Variants in TNK2 observed in about 807,000 individuals in gnomAD.
TNK2 encodes the protein tyrosine kinase non receptor 2, also known as activated CDC42 kinase 1.
Under a neutral mutation model 101.8 loss-of-function variants are expected in TNK2, and 83 were observed. The ratio of observed to expected loss-of-function variants is 0.82; its 90% CI spans 0.68 to 0.98. TNK2 has a LOEUF of 0.98. TNK2 is among the 50% of genes least tolerant of loss of function. The probability of loss-of-function intolerance (pLI) is 0.00; values close to 1 mark genes in which losing one functional copy is unlikely to be tolerated. For synonymous variants in TNK2, 804 were observed against 633.0 expected (o/e 1.27, Z -4.06); for missense variants, 1,665 against 1,483.2 (o/e 1.12, Z -2.01).
chr3:195,874,103 G>A (rs978233796), intron 9 of TNK2, among the ~76,000 whole-genome samples: 19 of 152,206 alleles, frequency 1.2e-4, no homozygotes, highest in African/African-American at 3.6e-4. Context: ...GCTGGGCTGC[G>A]GCTCTCCCGC....
At chr3:195,900,585 G>A (rs921217375) in intron 1 of TNK2, among the ~76,000 whole-genome samples, 2 of 152,202 alleles carry the variant, frequency 1.3e-5, no homozygotes, top group African/African-American at 4.8e-5. Context: ...GGGCCCTAAT[G>A]TGCTCCTGGA....
chr3:195,872,840 C>T (rs1185574114), intron 9 of TNK2: 1 of 228,184 alleles, frequency 4.4e-6, no homozygotes, highest in Non-Finnish European at 8.6e-6. Flanking sequence ...GCGCCCCGCC[C>T]ACACCTCCTC....
In TNK2 at chr3:195,868,699, A is replaced by G. The variant is rs998284861; in HGVS notation, c.1599T>C (p.Tyr533=). ...GGTCTTGGTCCTCGCTCACAGGGTC[A>G]TAGGTTGGTTCTGTGATGGAAAGGG... ...QPAFFTQKPT[Y]DPVSEDQDPL... The change falls in exon 13 of 16, where the codon TAT becomes TAC. Residue 533 remains tyrosine, a synonymous_variant. Coordinates refer to ENST00000672887, the MANE Select transcript of TNK2 (RefSeq NM_001382273.1). 9.5e-6 allele frequency: 15 copies of G among 1,576,334 alleles called. No homozygotes were observed. In the African/African-American group the frequency reaches 1.8e-4, roughly 19 times the overall value.
At chr3:195,869,254 G>A (rs1008156704) in intron 12 of TNK2, 3 of 600,576 alleles carry the variant, frequency 5.0e-6, no homozygotes, top group South Asian at 3.9e-5. Flanking sequence ...AGCTCAGACA[G>A]GTCTGGGAGG....
intron 2 of TNK2, among the ~76,000 whole-genome samples, chr3:195,887,818 G>T (rs1756489684): frequency 7.0e-6 from 1 of 142,584 alleles, no homozygotes; most frequent in African/African-American, 2.9e-5. Flanking sequence ...GCGTGTGCAT[G>T]CGGGTGTGCG....
At chr3:195,876,830 C>T (rs1749659660) in intron 9 of TNK2, 4 of 359,194 alleles carry the variant, frequency 1.1e-5, no homozygotes, top group Middle Eastern at 1.0e-3. Context: ...CTTGCCCGGG[C>T]GGTGACCTAA....
chr3:195,869,156 A>G, intron 12 of TNK2: 1 of 541,970 alleles, frequency 1.8e-6, no homozygotes, highest in Non-Finnish European at 3.3e-6. Flanking sequence ...AGTACTCCTG[A>G]CCAACGGCCA....
chr3:195,873,840 C>G (rs113282909), intron 9 of TNK2, among the ~76,000 whole-genome samples: 1 of 151,442 alleles, frequency 6.6e-6, no homozygotes, highest in Non-Finnish European at 1.5e-5. Context: ...GCGCGGGGCG[C>G]GGGGAGACGG....
intron 2 of TNK2, among the ~76,000 whole-genome samples, chr3:195,887,439 C>T (rs1477315757): frequency 3.3e-5 from 5 of 151,248 alleles, no homozygotes; most frequent in Admixed American, 1.3e-4. Context: ...TAGCACATTA[C>T]TACCTATTTA....
intron 12 of TNK2, chr3:195,869,266 A>T (rs1338549771): frequency 1.7e-6 from 1 of 604,804 alleles, no homozygotes; most frequent in Non-Finnish European, 3.0e-6. Flanking sequence ...TCTGGGAGGG[A>T]GTGAGGCCGA....
rs750313243 is a variant in TNK2 at position 195,868,398 on chromosome 3, T to C, written c.1900A>G (p.Thr634Ala). ...TRALPRPLHPTPVVDWDARPL... is the reference protein window; with the variant it reads ...TRALPRPLHPAPVVDWDARPL... ...CGTGCGTCCCAGTCCACCACAGGCG[T>C]GGGGTGCAGGGGCCGGGGCAGTGCC... is the stretch of plus-strand genomic sequence containing the variant. The change falls in exon 13 of 16, where the codon ACG (threonine) becomes GCG (alanine). Residue 634 changes from threonine to alanine, a missense_variant. This residue lies in a region of TNK2 where 1,136 missense variants were observed against 894.9 expected (regional missense o/e 1.27). Coordinates refer to ENST00000672887, the MANE Select transcript of TNK2 (RefSeq NM_001382273.1). The C allele has an allele frequency of 1.9e-6, 3 of 1,580,708 alleles. No homozygotes were observed. In the African/African-American group the frequency reaches 4.1e-5, roughly 22 times the overall value.
intron 1 of TNK2, among the ~76,000 whole-genome samples, chr3:195,890,178 C>G (rs1757797383): frequency 1.3e-5 from 2 of 152,254 alleles, no homozygotes; most frequent in Non-Finnish European, 2.9e-5. Flanking sequence ...GGGTGGTTTC[C>G]AAACTTAAAG....
rs2149339067 is a variant in TNK2, at chr3:195,872,662, A to C, written c.1257-192T>G. On this transcript the variant is annotated intron_variant, in intron 9 of 15. Transcript: ENST00000672887. ...ATGCCCCGTACAGGCCTGTTTGCAC[A>C]CGGCCTTACCCACAACTCTCTAGGT... 8 of 600,800 alleles carry C rather than the reference A, an allele frequency of 1.3e-5. No individual in the cohort carries two copies. In the South Asian group the frequency reaches 1.7e-4, roughly 13 times the overall value. The allele number at this position is 600,800 out of a possible 1,614,324, so 37.2% of individuals were successfully genotyped here. A position where few individuals can be genotyped will look rare whatever the true frequency, so the allele number is the denominator to read the frequency against.
chr3:195,869,266 A>G, intron 12 of TNK2: 2 of 604,922 alleles, frequency 3.3e-6, no homozygotes, highest in Admixed American at 2.8e-5. Context: ...TCTGGGAGGG[A>G]GTGAGGCCGA....
rs1208673423 is a variant in TNK2 at position 195,868,122 on chromosome 3, G to A, written c.2176C>T (p.Gln726Ter). The change falls in exon 13 of 16, where the codon CAG (glutamine) becomes TAG (stop). Residue 726 changes from glutamine to a stop codon, truncating the protein, a stop_gained. Transcript: ENST00000672887. LOFTEE classifies it high-confidence loss of function. ...TGCAGTTGCCTCATGCACTCCTGCT[G>A]TAGCGCCTGGAAGATCTCTGCGGTC... ...AQTAEIFQAL[Q>*]QECMRQLQAP... 1 of 1,611,528 alleles carries A rather than the reference G, an allele frequency of 6.2e-7. No individual in the cohort carries two copies. The highest frequency in any genetic ancestry group is 8.5e-7 in the Non-Finnish European group (1 of 1,179,506).
Position 195,879,188 on chromosome 3 carries a change from G to A in TNK2, c.888-13C>T. The A allele has an allele frequency of 6.2e-7, 1 of 1,612,692 alleles. No homozygotes were observed. The highest frequency in any genetic ancestry group is 8.5e-7 in the Non-Finnish European group (1 of 1,179,862). On this transcript the variant is annotated splice_polypyrimidine_tract_variant and intron_variant, in intron 6 of 15. Transcript: ENST00000672887. ...CTCGGGGGCACACCTGGCAGAGGCA[G>A]GGGTCAAAGAGAAGCCCTCTCAAAC...
At chr3:195,872,497 CGCCAG>C (rs1014008144) in intron 9 of TNK2, 27 bp from the exon 10 acceptor site, 2 of 1,554,806 alleles carry the variant, frequency 1.3e-6, no homozygotes, top group African/African-American at 2.7e-5. Context: ...GCACGGTGAA[CGCCAG>C]GCGTGGCGGG....
chr3:195,867,593 G>A lies in TNK2; in HGVS notation c.2705C>T (p.Pro902Leu). ...REAQSPEEPT[P>L]LPVPLLLPPP... ...GGGCAGCAGCAGAGGCACAGGCAGG[G>A]GGGTAGGCTCCTCGGGGCTCTGGGC... Residue 902 changes from proline to leucine, a missense_variant, in exon 13 of 16, where the codon CCC becomes CTC. Pro to Leu is a moderately conservative substitution (Grantham distance 98). Around this residue, in one of 3 missense-constraint regions of TNK2, gnomAD observed 1,136 missense variants for 894.9 expected, o/e 1.27. Transcript: ENST00000672887. The A allele has an allele frequency of 6.3e-7, 1 of 1,592,988 alleles. No individual in the cohort carries two copies. Among genetic ancestry groups the A allele is most frequent in the Non-Finnish European group, 8.5e-7 (1 of 1,177,354 alleles).
At chr3:195,870,359 C>G in intron 10 of TNK2, 154 bp from the exon 11 acceptor site, 4 of 1,497,632 alleles carry the variant, frequency 2.7e-6, no homozygotes, top group Non-Finnish European at 3.6e-6. Context: ...CCTGACCGCA[C>G]GTCTCAGCTG....
Sources: gnomAD v4.1 joint callset for allele counts (sites outside exome capture counted in the v4.1 genomes callset) on GRCh38, gnomAD v4.1.1 for gene constraint, gnomAD v4.1.1 regional missense constraint, MANE v1.5 for transcripts, NCBI Gene and HGNC (gene_info 2026-07-23, HGNC 2026-07-21) for gene names.